PTBP1: variants seen among roughly 807,000 people sequenced by gnomAD.
PTBP1 encodes polypyrimidine tract binding protein 1, also known as polypyrimidine tract-binding protein 1.
In PTBP1, 8 loss-of-function variants were observed where a neutral mutation model predicts 59.8. The observed-to-expected ratio is 0.13, with a 90% CI of 0.08 to 0.24. PTBP1 has a LOEUF of 0.24. PTBP1 is among the 10% of genes least tolerant of loss of function. The probability of loss-of-function intolerance (pLI) is 1.00; values close to 1 mark genes in which losing one functional copy is unlikely to be tolerated. For synonymous variants in PTBP1, 490 were observed against 320.7 expected (o/e 1.53, Z -5.64); for missense variants, 686 against 767.0 (o/e 0.89, Z 1.25).
At chr19:805,425 C>T (rs1458178957) in intron 8 of PTBP1, 67 bp from the exon 9 acceptor site, 2 of 1,482,834 alleles carry the variant, frequency 1.3e-6, no homozygotes, top group Non-Finnish European at 9.4e-7. Flanking sequence ...GGGGCCCATC[C>T]CGCAGCACAG....
chr19:806,500 C>T lies in PTBP1; in HGVS notation c.1063C>T (p.Pro355Ser), dbSNP rs776597997. 1.9e-6 allele frequency: 3 copies of T among 1,576,174 alleles called. No homozygotes were observed. The African/African-American group carries it at 4.2e-5, about 22-fold the overall frequency. The part of the protein sequence containing the change: ...AAAAAGRIAI[P>S]GLAGAGNSVL... ...TGCGGCGGCAGGTCGGATCGCCATC[C>T]CGGGCCTGGCGGGGGCAGGAAATTC... is the stretch of plus-strand genomic sequence containing the variant. Residue 355 changes from proline (P) to serine (S), a missense_variant, in exon 10 of 15, where the codon CCG becomes TCG. Pro to Ser is a moderately conservative substitution (Grantham distance 74). Transcript: ENST00000356948.
chr19:798,756 G>A (rs899551980), intron 1 of PTBP1, among the ~76,000 whole-genome samples: 1 of 152,274 alleles, frequency 6.6e-6, no homozygotes. Context: ...CCTGGCCGGG[G>A]CTGAAGGGAG....
At chr19:800,238 TTAAG>T (rs747318457) in intron 2 of PTBP1, among the ~76,000 whole-genome samples, 6 of 151,858 alleles carry the variant, frequency 4.0e-5, no homozygotes, top group Non-Finnish European at 8.8e-5. Context: ...CCGGCTGACA[TTAAG>T]TATCTTTGAT....
chr19:800,053 AGTAG>A (rs1219217698), intron 2 of PTBP1, among the ~76,000 whole-genome samples: 1 of 150,398 alleles, frequency 6.6e-6, no homozygotes, highest in Non-Finnish European at 1.5e-5. Context: ...CAACCTCCTG[AGTAG>A]CCGGGATTAC....
intron 1 of PTBP1, chr19:798,542 G>C (rs568643597): frequency 5.9e-5 from 9 of 152,420 alleles, no homozygotes; most frequent in African/African-American, 1.9e-4. Context: ...ATGCGTGCGG[G>C]CAGGTGGGTC....
In PTBP1 at chr19:805,033, C is replaced by T. The variant is rs747460224; in HGVS notation, c.738C>T (p.Ile246=). ...HAKLSLDGQN[I]YNACCTLRID... ...CTCAGTCGCTGGACGGGCAGAACAT[C>T]TACAACGCCTGCTGCACGCTGCGCA... Residue 246 remains isoleucine (I), a synonymous_variant, in exon 8 of 15, where the codon ATC becomes ATT. Coordinates refer to ENST00000356948, the MANE Select transcript of PTBP1 (RefSeq NM_002819.5). The T allele has an allele frequency of 3.1e-6, 5 of 1,613,846 alleles. No homozygotes were observed. Among genetic ancestry groups the T allele is most frequent in the Middle Eastern group, 1.6e-4 (1 of 6,062 alleles).
chr19:807,682 C>T (rs769893822), intron 10 of PTBP1, 187 bp from the exon 11 acceptor site: 15 of 519,832 alleles, frequency 2.9e-5, no homozygotes, highest in Admixed American at 1.9e-4. Flanking sequence ...AACAAAAATT[C>T]CCCCTCAAAC....
intron 2 of PTBP1, 26 bp from the exon 3 acceptor site, chr19:803,535 G>A: frequency 6.2e-7 from 1 of 1,604,408 alleles, no homozygotes; most frequent in Non-Finnish European, 8.5e-7. Context: ...GGGAAGTGCA[G>A]CTCCGCGTTG....
chr19:810,966 A>G lies in PTBP1; in HGVS notation c.*140A>G. The G allele has an allele frequency of 1.1e-6, 1 of 939,088 alleles. No homozygotes were observed. The highest frequency in any genetic ancestry group is 1.5e-6 in the Non-Finnish European group (1 of 668,278). 58.2% of individuals were successfully genotyped at this position (939,088 alleles called of 1,614,324 possible). ...AGAGAAATCAGTTTACCTGTTTTTAAAAAAATTAAATCTAGTTCACCTTGC... is the reference window on the plus strand; with the variant it reads ...AGAGAAATCAGTTTACCTGTTTTTAGAAAAATTAAATCTAGTTCACCTTGC... On this transcript the variant is annotated 3_prime_UTR_variant, in exon 15 of 15. Coordinates refer to ENST00000356948, the MANE Select transcript of PTBP1 (RefSeq NM_002819.5).
intron 1 of PTBP1, among the ~76,000 whole-genome samples, chr19:797,710 T>G (rs2034132548): frequency 1.4e-5 from 2 of 143,452 alleles, no homozygotes; most frequent in South Asian, 2.3e-4. Flanking sequence ...CCATCCCCCG[T>G]CCGGCCCGCT....
At chr19:799,517 G>A in intron 2 of PTBP1, 74 bp downstream of exon 2, 1 of 1,497,460 alleles carries the variant, frequency 6.7e-7, no homozygotes. Flanking sequence ...ACCCCCCAGC[G>A]CTGTTGCGTT....
At position 797,520 on chromosome 19, in the gene PTBP1, GCCCCGCGCCCCACCGCCCT is replaced by G; in HGVS notation, c.8+25_8+43del. The G allele has an allele frequency of 4.6e-6, 7 of 1,507,062 alleles. No individual in the cohort carries two copies. Among genetic ancestry groups the G allele is most frequent in the Non-Finnish European group, 6.2e-6 (7 of 1,133,312 alleles). The allele number at this position is 1,507,062 out of a possible 1,614,324, so 93.4% of individuals were successfully genotyped here. Reference sequence around the variant, plus strand: ...GCCATGGACGGGTGAGTCGCACGTCGCCCCGCGCCCCACCGCCCTCCCCGCGCCGCAGCCCTGCCCCCGC... The same window carrying G: ...GCCATGGACGGGTGAGTCGCACGTCGCCCCGCGCCGCAGCCCTGCCCCCGC... On this transcript the variant is annotated intron_variant, in intron 1 of 14. Coordinates refer to ENST00000356948, the MANE Select transcript of PTBP1 (RefSeq NM_002819.5).
Position 803,593 on chromosome 19 carries a change from C to T in PTBP1, c.72C>T (p.Val24=), listed in dbSNP as rs756824839. Residue 24 remains valine, a synonymous_variant, in exon 3 of 15, where the codon GTC becomes GTT. Transcript: ENST00000356948. ...RGSDELFSTC[V]TNGPFIMSSN... ...CTGACGAGCTTTTCTCTACTTGTGTCACTAACGGACCGTTTATCATGAGCA... is the reference window on the plus strand; with the variant it reads ...CTGACGAGCTTTTCTCTACTTGTGTTACTAACGGACCGTTTATCATGAGCA... 23 of 1,614,054 alleles carry T rather than the reference C, an allele frequency of 1.4e-5. No homozygotes were observed. The highest frequency in any genetic ancestry group is 5.3e-5 in the African/African-American group (4 of 74,938).
rs551308228 is a variant in PTBP1 at position 805,183 on chromosome 19, C to T, written c.888C>T (p.Ala296=). ...QPSLDQTMAA[A]FGAPGIISAS... is the part of the protein sequence containing the mutation. ...CGCTGGACCAGACCATGGCCGCGGC[C>T]TTCGGTAAGAGGCTGCCCGACGCGG... Residue 296 remains alanine, a synonymous_variant, in exon 8 of 15, where the codon GCC becomes GCT. Coordinates refer to ENST00000356948, the MANE Select transcript of PTBP1 (RefSeq NM_002819.5). 4.3e-6 allele frequency: 7 copies of T among 1,613,296 alleles called. No individual in the cohort carries two copies. Among genetic ancestry groups the T allele is most frequent in the Admixed American group, 3.3e-5 (2 of 60,022 alleles).
At chr19:806,112 GC>G (rs1179597329) in intron 9 of PTBP1, 1 of 341,696 alleles carries the variant, frequency 2.9e-6, no homozygotes, top group Non-Finnish European at 5.3e-6. Context: ...CTTGCCGAGG[GC>G]CCCGTGTCTG....
intron 10 of PTBP1, chr19:807,456 G>GTA (rs2034636444): frequency 5.5e-6 from 1 of 180,542 alleles, no homozygotes; most frequent in Non-Finnish European, 1.1e-5. Flanking sequence ...AGGTAAACCT[G>GTA]TAACTGGAAT....
At chr19:803,987 G>A (rs1254225550) in intron 3 of PTBP1, 49 bp from the exon 4 acceptor site, 1 of 1,608,454 alleles carries the variant, frequency 6.2e-7, no homozygotes, top group East Asian at 2.2e-5. Flanking sequence ...ACCTTCCTCT[G>A]TGGGCTCCTG....
intron 1 of PTBP1, among the ~76,000 whole-genome samples, chr19:797,956 G>C (rs1365617403): frequency 2.0e-5 from 3 of 149,074 alleles, no homozygotes; most frequent in Admixed American, 2.0e-4. Context: ...GGCCGCCATC[G>C]GGGGCGCGCG....
At chr19:803,221 G>A (rs866548203) in intron 2 of PTBP1, among the ~76,000 whole-genome samples, 3 of 152,130 alleles carry the variant, frequency 2.0e-5, no homozygotes, top group South Asian at 2.1e-4. Flanking sequence ...CAGGGCCGCT[G>A]GCAGCACAGT....
Sources: gnomAD v4.1 joint callset for allele counts (sites outside exome capture counted in the v4.1 genomes callset) on GRCh38, gnomAD v4.1.1 for gene constraint, MANE v1.5 for transcripts, NCBI Gene and HGNC (gene_info 2026-07-23, HGNC 2026-07-21) for gene names.